USH2A: variants seen among roughly 807,000 people sequenced by gnomAD.
USH2A encodes usherin.
In USH2A, 443 loss-of-function variants were observed where a neutral mutation model predicts 538.9. That is an observed-to-expected ratio of 0.82 (90% CI 0.76 to 0.89). USH2A has a LOEUF of 0.89. Ranked by LOEUF, USH2A falls within the 40% of genes least tolerant of loss-of-function variation. The pLI is 0.00. For missense variants in USH2A, 6,633 were observed against 6,324.8 expected (o/e 1.05, Z -1.65); for synonymous variants, 2,413 against 2,273.5 (o/e 1.06, Z -1.75).
chr1:216,035,642 T>A (rs2029897667), intron 32 of USH2A, among the ~76,000 whole-genome samples: 1 of 152,196 alleles, frequency 6.6e-6, no homozygotes, highest in African/African-American at 2.4e-5. Context: ...ATTGGATGAT[T>A]AAATGAAAAA....
intron 32 of USH2A, among the ~76,000 whole-genome samples, chr1:216,045,677 T>C (rs532209983): frequency 1.3e-5 from 2 of 152,154 alleles, no homozygotes; most frequent in Non-Finnish European, 2.9e-5. Context: ...TCAATCCTTG[T>C]GGTCTGCTGA....
chr1:216,418,339 C>G (rs1458838785), intron 3 of USH2A, among the ~76,000 whole-genome samples, 175 bp downstream of exon 3: 1 of 152,018 alleles, frequency 6.6e-6, no homozygotes, highest in Non-Finnish European at 1.5e-5. Flanking sequence ...GCTAGTATAT[C>G]AAGAGATACA....
rs748245310 is a variant in USH2A at position 215,674,551 on chromosome 1, C to T, written c.13360G>A (p.Val4454Ile). 4 of 1,613,988 alleles carry T rather than the reference C, an allele frequency of 2.5e-6. No homozygotes were observed. In the African/African-American group the frequency reaches 5.3e-5, roughly 22 times the overall value. Residue 4454 changes from valine (V) to isoleucine (I), a missense_variant, in exon 63 of 72, where the codon GTC (valine) becomes ATC (isoleucine). By Grantham distance (29) the Val-to-Ile change is conservative. Transcript: ENST00000307340. Reference protein sequence around the residue: ...PENMDSPTLQVTGSESIEITW... With the variant: ...PENMDSPTLQITGSESIEITW... ...ATTTCTATTGATTCTGAGCCTGTGA[C>T]TTGCAATGTTGGAGAGTCCATGTTC...
At chr1:216,178,725 A>C (rs1468004007) in intron 20 of USH2A, among the ~76,000 whole-genome samples, 1 of 152,156 alleles carries the variant, frequency 6.6e-6, no homozygotes, top group Non-Finnish European at 1.5e-5. Context: ...TTCTCCAATG[A>C]AGGAAATGTT....
intron 45 of USH2A, 151 bp downstream of exon 45, chr1:215,845,673 G>A: frequency 1.3e-6 from 1 of 751,050 alleles, no homozygotes; most frequent in South Asian, 1.5e-5. Flanking sequence ...TGCTACTGAT[G>A]ACAGTGAGCA....
intron 61 of USH2A, among the ~76,000 whole-genome samples, chr1:215,680,927 A>G (rs71639578): frequency 6.6e-6 from 1 of 152,154 alleles, no homozygotes; most frequent in Non-Finnish European, 1.5e-5. Flanking sequence ...ACACAAGAAA[A>G]CAGTAACAAG....
intron 32 of USH2A, among the ~76,000 whole-genome samples, chr1:216,006,346 C>G (rs760644508): frequency 6.6e-6 from 1 of 152,150 alleles, no homozygotes; most frequent in Non-Finnish European, 1.5e-5. Flanking sequence ...TCTCTTGGTA[C>G]CTTCTTATTC....
At chr1:216,268,623 G>A (rs924364193) in intron 11 of USH2A, among the ~76,000 whole-genome samples, 11 of 152,112 alleles carry the variant, frequency 7.2e-5, no homozygotes, top group African/African-American at 2.4e-4. Context: ...ATTATTTGCA[G>A]CTTGCACAAG....
intron 50 of USH2A, among the ~76,000 whole-genome samples, chr1:215,790,569 C>G (rs1661952853): frequency 6.6e-6 from 1 of 152,182 alleles, no homozygotes; most frequent in Non-Finnish European, 1.5e-5. Context: ...GGATTTCTGT[C>G]ATGAAAACTG....
intron 21 of USH2A, among the ~76,000 whole-genome samples, chr1:216,148,927 C>A (rs2102618146): frequency 6.6e-6 from 1 of 152,148 alleles, no homozygotes; most frequent in Non-Finnish European, 1.5e-5. Context: ...TCACAGACAG[C>A]CCCCATTACT....
At chr1:216,106,705 G>T (rs1571966168) in intron 21 of USH2A, among the ~76,000 whole-genome samples, 1 of 151,090 alleles carries the variant, frequency 6.6e-6, no homozygotes, top group East Asian at 1.9e-4. Flanking sequence ...TATTACTTTG[G>T]TCTTAATTTG....
Position 215,758,212 on chromosome 1 carries a change from G to GGA in USH2A, c.11389+381_11389+382dup, listed in dbSNP as rs59688818. The stretch of plus-strand genomic sequence containing the variant: ...GAGGCAGGAGATTTGTTTGAACCCA[G>GGA]GAGTCGGAGGTTGTGGTGAGCTGAG... On this transcript the variant is annotated intron_variant, in intron 58 of 71. Coordinates refer to ENST00000307340, the MANE Select transcript of USH2A (RefSeq NM_206933.4). 4.9e-3 allele frequency among the ~76,000 whole-genome samples: 744 copies of GGA among 151,568 alleles called. 6 individuals are homozygous for GGA. The highest frequency in any genetic ancestry group is 0.017 in the African/African-American group (696 of 41,262).
intron 55 of USH2A, among the ~76,000 whole-genome samples, chr1:215,774,828 T>C (rs766554381): frequency 6.6e-6 from 1 of 152,078 alleles, no homozygotes; most frequent in Non-Finnish European, 1.5e-5. Flanking sequence ...CTATCAATTA[T>C]AGTTCTTTGG....
At chr1:216,328,372 AT>A (rs2037778533) in intron 4 of USH2A, among the ~76,000 whole-genome samples, 2 of 152,048 alleles carry the variant, frequency 1.3e-5, no homozygotes, top group African/African-American at 4.8e-5. Flanking sequence ...TTTGGCAAAT[AT>A]TTTTTCAGAA....
At position 216,175,576 on chromosome 1, in the gene USH2A, T is replaced by C. The variant is rs150518677; in HGVS notation, c.4397-94A>G. 4.2e-3 allele frequency: 4,833 copies of C among 1,163,710 alleles called. 17 individuals carry two copies. The highest frequency in any genetic ancestry group is 3.9e-3 in the Non-Finnish European group (3,024 of 783,408). The allele number at this position is 1,163,710 out of a possible 1,614,324, so 72.1% of individuals were successfully genotyped here. A position where few individuals can be genotyped will look rare whatever the true frequency, so the allele number is the denominator to read the frequency against. ...ATACGTATATATGTATTTGTATATA[T>C]CACACTTCAAATCAAATCAGTTGTG... is the stretch of plus-strand genomic sequence containing the variant. On this transcript the variant is annotated intron_variant, in intron 20 of 71. Transcript: ENST00000307340.
At chr1:215,790,015 T>G (rs773217763) in intron 51 of USH2A, 44 bp downstream of exon 51, 63 of 1,571,604 alleles carry the variant, frequency 4.0e-5, no homozygotes, top group Non-Finnish European at 5.1e-5. Context: ...TATTTCTCTT[T>G]CCATTGTCAA....
In USH2A at chr1:216,196,564, C is replaced by T. The variant is rs752420050; in HGVS notation, c.4240G>A (p.Ala1414Thr). The T allele has an allele frequency of 1.2e-6, 2 of 1,613,358 alleles. No homozygotes were observed. The highest frequency in any genetic ancestry group is 2.2e-5 in the South Asian group (2 of 91,062). Residue 1414 changes from alanine (A) to threonine (T), a missense_variant, in exon 19 of 72, where the codon GCG becomes ACG. Transcript: ENST00000307340. ...EQSPQQSIPM[A>T]FSQLLHTAKS... ...AAAAATAACAATACCTGTGAAAACG[C>T]CATGGGAATAGACTGTTGAGGTGAT...
At chr1:215,700,095 G>A (rs917911130) in intron 61 of USH2A, among the ~76,000 whole-genome samples, 5 of 152,040 alleles carry the variant, frequency 3.3e-5, no homozygotes, top group Admixed American at 2.0e-4. Flanking sequence ...TTCTGTTTTT[G>A]TGATAGATTA....
intron 68 of USH2A, among the ~76,000 whole-genome samples, chr1:215,639,754 C>A (rs548846717): frequency 6.6e-6 from 1 of 152,340 alleles, no homozygotes; most frequent in South Asian, 2.1e-4. Context: ...AACCATCAGG[C>A]CACCTTCCTT....
Sources: gnomAD v4.1 joint callset for allele counts (sites outside exome capture counted in the v4.1 genomes callset) on GRCh38, gnomAD v4.1.1 for gene constraint, MANE v1.5 for transcripts, NCBI Gene and HGNC (gene_info 2026-07-23, HGNC 2026-07-21) for gene names.